Variants in FBXO44 observed in about 807,000 individuals in gnomAD.
The protein encoded by FBXO44 is F-box protein 44.
Under a neutral mutation model 33.5 loss-of-function variants are expected in FBXO44, and 25 were observed. That is an observed-to-expected ratio of 0.75 (90% confidence interval 0.54 to 1.04). The LOEUF (loss-of-function observed/expected upper bound fraction) is 1.04, where lower values mean the gene tolerates loss of function less well. Among genes scored for constraint, FBXO44 ranks in the 50% least tolerant of loss-of-function variants. The pLI, the probability that FBXO44 is intolerant of heterozygous loss-of-function variation, is 0.00. For synonymous variants in FBXO44, 147 were observed against 152.8 expected, an observed-to-expected ratio of 0.96 and a Z score of 0.28; for missense variants, 311 against 344.0, an observed-to-expected ratio of 0.90 and a Z score of 0.76.
chr1:11,660,318 C>T (rs1400274588), intron 5 of FBXO44, among the ~76,000 whole-genome samples: 4 of 152,168 alleles, frequency 2.6e-5, no homozygotes, highest in East Asian at 1.9e-4. Context: ...TGCGCCACCA[C>T]GCCAGCTAAT....
intron 1 of FBXO44, 72 bp from the exon 2 acceptor site, chr1:11,655,734 G>A: frequency 1.3e-6 from 2 of 1,505,540 alleles, no homozygotes; most frequent in African/African-American, 1.4e-5. Flanking sequence ...GAAACAGGCT[G>A]GGAGAGGCAC....
intron 2 of FBXO44, 152 bp downstream of exon 2, chr1:11,656,252 C>T: frequency 2.0e-6 from 2 of 995,912 alleles, no homozygotes; most frequent in Admixed American, 2.9e-5. Context: ...TGTTAGTGCA[C>T]ACATTTTTCA....
Position 11,661,029 on chromosome 1 carries a change from C to T in FBXO44, c.625-101C>T. On this transcript the variant is annotated intron_variant, in intron 5 of 5. Coordinates refer to ENST00000251547, the MANE Select transcript of FBXO44 (RefSeq NM_033182.7). This position sits in a 1 kb window ranked among gnomAD's most constrained non-coding sequence, Gnocchi z 4.4. ...AACTCCTGGGCTCAAACAACCCTCC[C>T]ACCTCAGCCTCCCAAAGTACTGGGA... 7.9e-7 allele frequency: 1 copy of T among 1,266,608 alleles called. No individual in the cohort carries two copies. Among genetic ancestry groups the T allele is most frequent in the Non-Finnish European group, 1.1e-6 (1 of 906,638 alleles). 78.5% of individuals were successfully genotyped at this position (1,266,608 alleles called of 1,614,324 possible).
intron 2 of FBXO44, 117 bp downstream of exon 2, chr1:11,656,217 C>CA: frequency 7.3e-7 from 1 of 1,369,954 alleles, no homozygotes; most frequent in South Asian, 1.4e-5. Context: ...TTACTTCTCT[C>CA]ACAGTAACCC....
chr1:11,654,581 G>A (rs1054827702), upstream of FBXO44: 2 of 373,664 alleles, frequency 5.4e-6, no homozygotes, highest in Admixed American at 9.2e-5. Flanking sequence ...GGCTGGGAAA[G>A]GTCAGGAGTC....
chr1:11,658,124 G>T, intron 2 of FBXO44, 143 bp from the exon 3 acceptor site: 1 of 1,356,382 alleles, frequency 7.4e-7, no homozygotes, highest in Non-Finnish European at 1.0e-6. Flanking sequence ...TACGCGGTGG[G>T]CACTGTGATC....
chr1:11,661,101 C>G lies in FBXO44; in HGVS notation c.625-29C>G. 4 of 1,596,894 alleles carry G rather than the reference C, an allele frequency of 2.5e-6. No homozygotes were observed. The highest frequency in any genetic ancestry group is 3.4e-6 in the Non-Finnish European group (4 of 1,167,538). On this transcript the variant is annotated intron_variant, in intron 5 of 5. Coordinates refer to ENST00000251547, the MANE Select transcript of FBXO44 (RefSeq NM_033182.7). The surrounding 1 kb of genome is among the most constrained non-coding windows in gnomAD (Gnocchi z 4.4). ...CCCAGCCTGAGTCAGCTCCCTTGAC[C>G]TTTCTCCCCCCTCTACCTGCCCTGC...
upstream of FBXO44, chr1:11,654,441 G>C: frequency 1.6e-6 from 2 of 1,219,398 alleles, no homozygotes; most frequent in Non-Finnish European, 2.1e-6. Context: ...TGTCGGTCCC[G>C]GCGACCGCGC....
In FBXO44 at chr1:11,661,081, C is replaced by A; in HGVS notation, c.625-49C>A. 1.3e-6 allele frequency: 2 copies of A among 1,561,408 alleles called. No homozygotes were observed. The highest frequency in any genetic ancestry group is 1.2e-5 in the South Asian group (1 of 85,686). On this transcript the variant is annotated intron_variant, in intron 5 of 5. Coordinates refer to ENST00000251547, the MANE Select transcript of FBXO44 (RefSeq NM_033182.7). The surrounding 1 kb of genome is among the most constrained non-coding windows in gnomAD (Gnocchi z 4.4). ...TCCCGGTGTGAGCCGCCACACCCAG[C>A]CTGAGTCAGCTCCCTTGACCTTTCT...
intron 1 of FBXO44, 166 bp from the exon 2 acceptor site, chr1:11,655,640 C>T (rs924910308): frequency 1.7e-5 from 11 of 657,900 alleles, no homozygotes; most frequent in Non-Finnish European, 2.8e-5. Context: ...CAGAGCTCAC[C>T]TTTTATTAAA....
upstream of FBXO44, chr1:11,654,866 G>T: frequency 6.7e-6 from 1 of 148,890 alleles, no homozygotes; most frequent in South Asian, 1.8e-4. Flanking sequence ...GGCGGGCCGG[G>T]GCGGGGCCTC....
intron 2 of FBXO44, among the ~76,000 whole-genome samples, 179 bp from the exon 3 acceptor site, chr1:11,658,088 G>T (rs1338963378): frequency 1.3e-5 from 2 of 152,162 alleles, no homozygotes; most frequent in Non-Finnish European, 2.9e-5. Flanking sequence ...TCACCTCCCT[G>T]TGCCTGCAAC....
chr1:11,661,054 A>T lies in FBXO44; in HGVS notation c.625-76A>T. 6.8e-7 allele frequency: 1 copy of T among 1,469,770 alleles called. No homozygotes were observed. Among genetic ancestry groups the T allele is most frequent in the Non-Finnish European group, 9.3e-7 (1 of 1,076,094 alleles). 91.0% of individuals were successfully genotyped at this position (1,469,770 alleles called of 1,614,324 possible). On this transcript the variant is annotated intron_variant, in intron 5 of 5. Transcript: ENST00000251547. The surrounding 1 kb of genome is among the most constrained non-coding windows in gnomAD (Gnocchi z 4.4). Reference sequence around the variant, plus strand: ...CACCTCAGCCTCCCAAAGTACTGGGATTCCCGGTGTGAGCCGCCACACCCA... The same window carrying T: ...CACCTCAGCCTCCCAAAGTACTGGGTTTCCCGGTGTGAGCCGCCACACCCA...
Position 11,658,778 on chromosome 1 carries a change from C to G in FBXO44, c.531C>G (p.Cys177Trp). The change falls in exon 5 of 6, where the codon TGC (cysteine) becomes TGG (tryptophan). Residue 177 changes from cysteine (C) to tryptophan (W), a missense_variant. Coordinates refer to ENST00000251547, the MANE Select transcript of FBXO44 (RefSeq NM_033182.7). Reference sequence around the variant, plus strand: ...ATTGCGGGTCCAAGTACCAGCTGTGCGTTCAGCTCCTGTCGTCCGCGCACG... The same window carrying G: ...ATTGCGGGTCCAAGTACCAGCTGTGGGTTCAGCTCCTGTCGTCCGCGCACG... ...RPDCGSKYQL[C>W]VQLLSSAHAP... The G allele has an allele frequency of 1.9e-6, 3 of 1,613,996 alleles. No individual in the cohort carries two copies. Among genetic ancestry groups the G allele is most frequent in the Non-Finnish European group, 2.5e-6 (3 of 1,179,994 alleles).
Position 11,656,058 on chromosome 1 carries a change from C to T in FBXO44, c.223C>T (p.Arg75Trp), listed in dbSNP as rs201713280. ...VADWKIFYFL[R>W]SLHRNLLHNP... Reference sequence around the variant, plus strand: ...CGACTGGAAGATCTTCTACTTCTTACGGAGCCTGCACAGGAACCTCCTGCA... The same window carrying T: ...CGACTGGAAGATCTTCTACTTCTTATGGAGCCTGCACAGGAACCTCCTGCA... Residue 75 changes from arginine (R) to tryptophan (W), a missense_variant, in exon 2 of 6, where the codon CGG becomes TGG. Physicochemically the swap from Arg to Trp is moderately radical, Grantham distance 101. Transcript: ENST00000251547. The T allele has an allele frequency of 7.4e-6, 12 of 1,614,122 alleles. No individual in the cohort carries two copies. The highest frequency in any genetic ancestry group is 1.6e-4 in the Middle Eastern group (1 of 6,062).
chr1:11,654,471 C>T, upstream of FBXO44: 1 of 909,702 alleles, frequency 1.1e-6, no homozygotes, highest in Non-Finnish European at 1.5e-6. Flanking sequence ...GCCCCCGACC[C>T]GACCCGCCCC....
At position 11,658,530 on chromosome 1, in the gene FBXO44, C is replaced by T. The variant is rs776919140; in HGVS notation, c.393-3C>T. 4.3e-6 allele frequency: 7 copies of T among 1,612,152 alleles called. No homozygotes were observed. The highest frequency in any genetic ancestry group is 3.3e-5 in the Admixed American group (2 of 59,968). ...CCCCTCCCACCCCTCTGCCTGCCCC[C>T]AGCACCTGCCTCAAGTCCCAGGTGG... On this transcript the variant is annotated splice_polypyrimidine_tract_variant and splice_region_variant and intron_variant, in intron 3 of 5. Transcript: ENST00000251547.
intron 1 of FBXO44, 161 bp from the exon 2 acceptor site, chr1:11,655,645 A>G (rs1639725841): frequency 4.5e-6 from 3 of 668,060 alleles, no homozygotes; most frequent in Non-Finnish European, 5.0e-6. Flanking sequence ...CTCACCTTTT[A>G]TTAAAGTACC....
intron 1 of FBXO44, chr1:11,655,531 C>G: frequency 2.3e-6 from 1 of 443,568 alleles, no homozygotes; most frequent in Non-Finnish European, 4.1e-6. Flanking sequence ...AAGGCTGGCC[C>G]TGGAATCAAA....
Sources: gnomAD v4.1 joint callset for allele counts (sites outside exome capture counted in the v4.1 genomes callset) on GRCh38, gnomAD v4.1.1 for gene constraint, Gnocchi (gnomAD v3.1) non-coding constraint, MANE v1.5 for transcripts, NCBI Gene and HGNC (gene_info 2026-07-23, HGNC 2026-07-21) for gene names.